DLGAP2: variants seen among roughly 807,000 people sequenced by gnomAD.
The protein encoded by DLGAP2 is disks large-associated protein 2.
Under a neutral mutation model 100.3 loss-of-function variants are expected in DLGAP2, and 26 were observed. The ratio of observed to expected loss-of-function variants is 0.26; its 90% confidence interval spans 0.19 to 0.36. DLGAP2 has a LOEUF of 0.36. Ranked by LOEUF, DLGAP2 falls within the 10% of genes least tolerant of loss-of-function variation. The pLI, the probability that DLGAP2 is intolerant of heterozygous loss-of-function variation, is 1.00. For missense variants in DLGAP2, 1,858 were observed against 1,453.2 expected (o/e 1.28, Z -4.53); for synonymous variants, 886 against 630.1 (o/e 1.41, Z -6.08).
intron 2 of DLGAP2, among the ~76,000 whole-genome samples, chr8:1,124,143 T>A (rs929500713): frequency 6.6e-6 from 1 of 152,238 alleles, no homozygotes. Context: ...CAGGTGCTAA[T>A]CTAAATGCTG....
chr8:1,327,996 T>C (rs1446295497), intron 3 of DLGAP2, among the ~76,000 whole-genome samples: 1 of 152,204 alleles, frequency 6.6e-6, no homozygotes, highest in Non-Finnish European at 1.5e-5. Context: ...CCCTTTAGAC[T>C]TCATGGGTGA....
intron 1 of DLGAP2, among the ~76,000 whole-genome samples, chr8:861,803 T>G (rs1307455746): frequency 6.6e-6 from 1 of 152,202 alleles, no homozygotes. Flanking sequence ...AACCTCCCGG[T>G]GGAAATGTGT....
intron 2 of DLGAP2, among the ~76,000 whole-genome samples, chr8:1,070,607 A>G (rs1156551665): frequency 6.6e-6 from 1 of 152,182 alleles, no homozygotes. Flanking sequence ...TGAAAGGTGC[A>G]GCTTTCACAT....
intron 3 of DLGAP2, among the ~76,000 whole-genome samples, chr8:1,321,943 T>G (rs1800911250): frequency 6.6e-6 from 1 of 152,230 alleles, no homozygotes; most frequent in African/African-American, 2.4e-5. Context: ...ATACAGGCAT[T>G]TAATTTTATG....
At chr8:1,654,469 C>G (rs534870639) in intron 8 of DLGAP2, among the ~76,000 whole-genome samples, 76 of 152,002 alleles carry the variant, frequency 5.0e-4, no homozygotes, top group Admixed American at 1.4e-3. Context: ...CGAGACCACC[C>G]TGGCCAACAT....
intron 2 of DLGAP2, among the ~76,000 whole-genome samples, chr8:1,126,880 G>T (rs1296330547): frequency 6.6e-6 from 1 of 151,898 alleles, no homozygotes; most frequent in Non-Finnish European, 1.5e-5. Context: ...CTGGGGAAAC[G>T]GGACTGCCCT....
At chr8:1,634,325 G>A (rs868591510) in intron 8 of DLGAP2, among the ~76,000 whole-genome samples, 8 of 152,280 alleles carry the variant, frequency 5.3e-5, no homozygotes, top group Admixed American at 1.3e-4. Flanking sequence ...CGGGGGCTTC[G>A]GGAGAAAGGC....
At chr8:1,262,016 G>A (rs746849112) in intron 3 of DLGAP2, among the ~76,000 whole-genome samples, 6 of 152,168 alleles carry the variant, frequency 3.9e-5, no homozygotes, top group Non-Finnish European at 8.8e-5. Flanking sequence ...TCAGAAAGCT[G>A]TTAACAGCCT....
intron 2 of DLGAP2, among the ~76,000 whole-genome samples, chr8:1,191,832 A>C (rs1221285575): frequency 1.3e-5 from 2 of 152,294 alleles, no homozygotes; most frequent in African/African-American, 4.8e-5. Flanking sequence ...TATGCCTTTA[A>C]GCTGATATTA....
intron 2 of DLGAP2, among the ~76,000 whole-genome samples, chr8:1,173,496 C>G (rs752412507): frequency 6.6e-6 from 1 of 152,216 alleles, no homozygotes; most frequent in Non-Finnish European, 1.5e-5. Flanking sequence ...GTGTAGCCTA[C>G]AGAGGCAGGC....
At chr8:1,339,866 T>C (rs1173367927) in intron 3 of DLGAP2, among the ~76,000 whole-genome samples, 3 of 152,172 alleles carry the variant, frequency 2.0e-5, no homozygotes, top group South Asian at 4.1e-4. Context: ...GTGGAACTTA[T>C]TTTTTTATCT....
chr8:1,224,990 G>C (rs747073149), intron 2 of DLGAP2, among the ~76,000 whole-genome samples: 1 of 152,230 alleles, frequency 6.6e-6, no homozygotes, highest in Admixed American at 6.5e-5. Flanking sequence ...ATATGTTGCT[G>C]TTGGAAATGT....
At chr8:1,664,720 G>A (rs1003638834) in intron 8 of DLGAP2, among the ~76,000 whole-genome samples, 8 of 152,170 alleles carry the variant, frequency 5.3e-5, no homozygotes, top group East Asian at 1.9e-4. Context: ...GCTGATAACG[G>A]TGAAAAACAA....
chr8:1,465,231 C>T (rs574374179), intron 3 of DLGAP2, among the ~76,000 whole-genome samples: 21 of 152,366 alleles, frequency 1.4e-4, no homozygotes, highest in Admixed American at 2.6e-4. Flanking sequence ...GCCCCCCACA[C>T]GTGGGTTCCA....
At chr8:1,354,616 G>A (rs1329676916) in intron 3 of DLGAP2, among the ~76,000 whole-genome samples, 1 of 151,332 alleles carries the variant, frequency 6.6e-6, no homozygotes, top group Non-Finnish European at 1.5e-5. Context: ...TGATGCTGCG[G>A]ATGAAGGTGG....
chr8:1,340,889 A>C (rs1801402029), intron 3 of DLGAP2, among the ~76,000 whole-genome samples: 1 of 152,236 alleles, frequency 6.6e-6, no homozygotes, highest in Admixed American at 6.5e-5. Context: ...ACACCATGGA[A>C]TACTATGCAG....
intron 6 of DLGAP2, among the ~76,000 whole-genome samples, chr8:1,600,664 C>T (rs572976091): frequency 6.6e-6 from 1 of 152,260 alleles, no homozygotes; most frequent in South Asian, 2.1e-4. Flanking sequence ...TTGATTGATT[C>T]AGCTATTGAT....
At chr8:989,108 C>T (rs1037206225) in intron 2 of DLGAP2, among the ~76,000 whole-genome samples, 6 of 152,150 alleles carry the variant, frequency 3.9e-5, no homozygotes, top group Non-Finnish European at 5.9e-5. Flanking sequence ...TTGTGACGAC[C>T]GCAGTGCAGT....
chr8:1,502,118 G>C (rs997797077), intron 4 of DLGAP2, among the ~76,000 whole-genome samples: 1 of 152,198 alleles, frequency 6.6e-6, no homozygotes, highest in African/African-American at 2.4e-5. Context: ...GCTGAAGACG[G>C]AAGCCCCATC....
Sources: gnomAD v4.1 joint callset for allele counts (sites outside exome capture counted in the v4.1 genomes callset) on GRCh38, gnomAD v4.1.1 for gene constraint, MANE v1.5 for transcripts, NCBI Gene and HGNC (gene_info 2026-07-23, HGNC 2026-07-21) for gene names.